DPP10: variants seen among roughly 807,000 people sequenced by gnomAD.
DPP10 encodes the protein dipeptidyl peptidase like 10, also known as inactive dipeptidyl peptidase 10.
A neutral mutation model predicts 120.9 loss-of-function variants in DPP10; 33 were observed. The ratio of observed to expected loss-of-function variants is 0.27; its 90% CI spans 0.21 to 0.37. The LOEUF (loss-of-function observed/expected upper bound fraction) is 0.37, where lower values mean the gene tolerates loss of function less well. Ranked by LOEUF, DPP10 falls within the 10% of genes least tolerant of loss-of-function variation. DPP10 has a pLI of 1.00. For missense variants in DPP10, 816 were observed against 942.8 expected (o/e 0.87, Z 1.76); for synonymous variants, 337 against 326.1 (o/e 1.03, Z -0.36).
intron 1 of DPP10, among the ~76,000 whole-genome samples, chr2:114,939,670 A>C (rs1696751554): frequency 6.6e-6 from 1 of 152,114 alleles, no homozygotes; most frequent in African/African-American, 2.4e-5. Flanking sequence ...TTCTCCTCTT[A>C]ATTTTTAAGA....
chr2:115,404,998 C>G (rs1027884533), intron 3 of DPP10, among the ~76,000 whole-genome samples: 2 of 152,184 alleles, frequency 1.3e-5, no homozygotes, highest in African/African-American at 4.8e-5. Context: ...CATTCTATCC[C>G]TGGCTCCCCC....
At chr2:115,725,117 A>G (rs150217909) in intron 7 of DPP10, among the ~76,000 whole-genome samples, 89 of 152,326 alleles carry the variant, frequency 5.8e-4, no homozygotes, top group African/African-American at 1.7e-3. Flanking sequence ...ATAAAATATT[A>G]TGGCAGTTTA....
chr2:115,043,486 A>G (rs1173298780), intron 1 of DPP10, among the ~76,000 whole-genome samples: 2 of 152,232 alleles, frequency 1.3e-5, no homozygotes, highest in Admixed American at 1.3e-4. Context: ...GTCTTCTTCA[A>G]TGGAAACACA....
At chr2:115,751,988 C>G (rs1678790030) in intron 10 of DPP10, among the ~76,000 whole-genome samples, 2 of 151,962 alleles carry the variant, frequency 1.3e-5, no homozygotes, top group African/African-American at 4.8e-5. Flanking sequence ...TTAATAGAGA[C>G]AGGGTTTTAC....
intron 3 of DPP10, among the ~76,000 whole-genome samples, chr2:115,344,135 CAAAAAAAAAAA>C (rs751004918): frequency 2.0e-5 from 1 of 49,278 alleles, no homozygotes; most frequent in African/African-American, 6.9e-5. Context: ...GACTCCATCT[CAAAAAAAAAAA>C]AAAAAAAAAA....
chr2:114,721,039 A>G (rs968933842), intron 1 of DPP10, among the ~76,000 whole-genome samples: 4 of 152,232 alleles, frequency 2.6e-5, no homozygotes, highest in African/African-American at 9.6e-5. Context: ...GCCCCTGTGT[A>G]TTACAGTTTA....
intron 1 of DPP10, among the ~76,000 whole-genome samples, chr2:115,267,085 A>G (rs1271220707): frequency 2.0e-5 from 3 of 152,338 alleles, no homozygotes; most frequent in Admixed American, 6.5e-5. Context: ...GTTCCCATAC[A>G]GCTTTGCTCT....
intron 5 of DPP10, among the ~76,000 whole-genome samples, chr2:115,665,128 T>C (rs2089342958): frequency 1.3e-5 from 2 of 152,190 alleles, no homozygotes; most frequent in Non-Finnish European, 2.9e-5. Context: ...ATAGTAAAGG[T>C]CTCATTCCCA....
intron 4 of DPP10, among the ~76,000 whole-genome samples, chr2:115,503,236 T>C (rs2148804308): frequency 6.6e-6 from 1 of 152,208 alleles, no homozygotes; most frequent in East Asian, 1.9e-4. Context: ...AAATAGTAGG[T>C]TTGGGAAGAA....
intron 2 of DPP10, among the ~76,000 whole-genome samples, chr2:115,335,337 T>C (rs898359848): frequency 1.3e-5 from 2 of 151,994 alleles, no homozygotes; most frequent in African/African-American, 4.8e-5. Flanking sequence ...TATTTAAATT[T>C]ATTTTTTTAA....
At chr2:114,667,053 G>A (rs551328194) in intron 1 of DPP10, among the ~76,000 whole-genome samples, 7 of 152,294 alleles carry the variant, frequency 4.6e-5, no homozygotes, top group African/African-American at 1.4e-4. Flanking sequence ...CCTTTGTAGC[G>A]TGAGAGTAGC....
chr2:115,346,883 T>G (rs1322214761), intron 3 of DPP10, among the ~76,000 whole-genome samples: 1 of 152,156 alleles, frequency 6.6e-6, no homozygotes, highest in African/African-American at 2.4e-5. Flanking sequence ...TATGCTTAAG[T>G]ATAAAACTTG....
intron 3 of DPP10, among the ~76,000 whole-genome samples, chr2:115,375,740 T>C (rs995035142): frequency 6.6e-6 from 1 of 152,208 alleles, no homozygotes; most frequent in Non-Finnish European, 1.5e-5. Flanking sequence ...CTTGCAATTA[T>C]AGCAGAAGGT....
intron 1 of DPP10, among the ~76,000 whole-genome samples, chr2:114,494,056 C>T (rs1265350321): frequency 9.0e-6 from 1 of 111,318 alleles, no homozygotes; most frequent in Non-Finnish European, 1.7e-5. Flanking sequence ...AAGTATGCTG[C>T]AAGAATTTAG....
At chr2:115,286,329 T>A (rs1382561272) in intron 1 of DPP10, among the ~76,000 whole-genome samples, 1 of 150,978 alleles carries the variant, frequency 6.6e-6, no homozygotes, top group Non-Finnish European at 1.5e-5. Flanking sequence ...CTGATGTTAT[T>A]TGTAAATGAA....
intron 7 of DPP10, among the ~76,000 whole-genome samples, chr2:115,717,823 T>C (rs2092543330): frequency 6.6e-6 from 1 of 152,134 alleles, no homozygotes; most frequent in Non-Finnish European, 1.5e-5. Flanking sequence ...TTGCGAATAA[T>C]TTTTCAATTA....
At chr2:114,856,092 A>C (rs1301750818) in intron 1 of DPP10, among the ~76,000 whole-genome samples, 1 of 152,208 alleles carries the variant, frequency 6.6e-6, no homozygotes, top group Non-Finnish European at 1.5e-5. Context: ...GAGAGATCTG[A>C]ACACTGGACC....
intron 5 of DPP10, among the ~76,000 whole-genome samples, chr2:115,553,124 T>G (rs1004513235): frequency 6.6e-6 from 1 of 152,108 alleles, no homozygotes; most frequent in African/African-American, 2.4e-5. Flanking sequence ...TGTGACCATT[T>G]CAATGTACAC....
chr2:115,399,752 AT>A (rs1465213719), intron 3 of DPP10, among the ~76,000 whole-genome samples: 1 of 152,170 alleles, frequency 6.6e-6, no homozygotes, highest in Non-Finnish European at 1.5e-5. Flanking sequence ...TCTTCCAAGT[AT>A]TTTATAAAAA....
Sources: gnomAD v4.1 joint callset for allele counts (sites outside exome capture counted in the v4.1 genomes callset) on GRCh38, gnomAD v4.1.1 for gene constraint, MANE v1.5 for transcripts, NCBI Gene and HGNC (gene_info 2026-07-23, HGNC 2026-07-21) for gene names.